Variants in SLC7A5 observed in about 807,000 individuals in gnomAD.
SLC7A5 encodes solute carrier family 7 member 5, also known as large neutral amino acids transporter small subunit 1.
In SLC7A5, 23 loss-of-function variants were observed where a neutral mutation model predicts 50.2. That is an observed-to-expected ratio of 0.46 (90% CI 0.33 to 0.65). The LOEUF (loss-of-function observed/expected upper bound fraction) is 0.65, where lower values mean the gene tolerates loss of function less well. Among genes scored for constraint, SLC7A5 ranks in the 30% least tolerant of loss-of-function variants. The probability of loss-of-function intolerance (pLI) is 0.02; values close to 1 mark genes in which losing one functional copy is unlikely to be tolerated. For missense variants in SLC7A5, 578 were observed against 684.4 expected, an observed-to-expected ratio of 0.84 and a Z score of 1.73; for synonymous variants, 393 against 330.6, an observed-to-expected ratio of 1.19 and a Z score of -2.05.
At chr16:87,851,936 C>A (rs752922795) in intron 1 of SLC7A5, 87 bp from the exon 2 acceptor site, 39 of 1,520,142 alleles carry the variant, frequency 2.6e-5, no homozygotes, top group African/African-American at 1.8e-4. Flanking sequence ...CCCACCCCCA[C>A]CCCAGGGCCA....
In SLC7A5 at chr16:87,832,316, G is replaced by A. The variant is rs1030936017; in HGVS notation, c.*654C>T. ...CCCTGGCTCAGGATGGTGTCTCGGG[G>A]CTAGGATTATGGTCAGGAGTCCATC... On this transcript the variant is annotated 3_prime_UTR_variant, in exon 10 of 10. Transcript: ENST00000261622. This position sits in a 1 kb window ranked among gnomAD's most constrained non-coding sequence, Gnocchi z 4.6. 2 of 152,294 alleles carry A rather than the reference G, an allele frequency of 1.3e-5. No homozygotes were observed. The highest frequency in any genetic ancestry group is 4.8e-5 in the African/African-American group (2 of 41,450). 9.4% of individuals were successfully genotyped at this position (152,294 alleles called of 1,614,324 possible).
rs545058470 is a variant in SLC7A5 at position 87,860,413 on chromosome 16, G to C, written c.538+8472C>G. ...ACACACACACACATATATATATAAA[G>C]AAAAAGGAAATCTTCGAACCCACCT... is the stretch of plus-strand genomic sequence containing the variant. On this transcript the variant is annotated intron_variant, in intron 1 of 9. Coordinates refer to ENST00000261622, the MANE Select transcript of SLC7A5 (RefSeq NM_003486.7). The surrounding 1 kb of genome is among the most constrained non-coding windows in gnomAD (Gnocchi z 4.8). Among the ~76,000 whole-genome samples the C allele has an allele frequency of 5.4e-5, 6 of 110,134 alleles. 1 individual carries two copies. The South Asian group carries it at 1.8e-3, about 33-fold the overall frequency. The allele number at this position is 110,134 out of a possible 152,430, so 72.3% of individuals were successfully genotyped here.
rs2055370840 is a variant in SLC7A5 at position 87,860,080 on chromosome 16, C to T, written c.539-8231G>A. On this transcript the variant is annotated intron_variant, in intron 1 of 9. Coordinates refer to ENST00000261622, the MANE Select transcript of SLC7A5 (RefSeq NM_003486.7). The surrounding 1 kb of genome is among the most constrained non-coding windows in gnomAD (Gnocchi z 4.8). ...AGGCACGGTGGCTCACACCTGTAAT[C>T]CCAGCACTTTGGGAAGCCAAGGTGG... 6.6e-6 allele frequency among the ~76,000 whole-genome samples: 1 copy of T among 152,084 alleles called. No individual in the cohort carries two copies. Among genetic ancestry groups the T allele is most frequent in the Non-Finnish European group, 1.5e-5 (1 of 68,026 alleles).
At chr16:87,851,415 C>T (rs1373803663) in intron 2 of SLC7A5, among the ~76,000 whole-genome samples, 3 of 152,182 alleles carry the variant, frequency 2.0e-5, no homozygotes, top group African/African-American at 4.8e-5. Context: ...TGTTCCACAT[C>T]GCCCCCAGGT....
rs548186892 is a variant in SLC7A5, at chr16:87,869,440, G to T, written c.-18C>A. 2.1e-4 allele frequency: 288 copies of T among 1,400,218 alleles called. 2 individuals are homozygous for T. The African/African-American group carries it at 4.2e-3, about 20-fold the overall frequency. 86.7% of individuals were successfully genotyped at this position (1,400,218 alleles called of 1,614,324 possible). A position where few individuals can be genotyped will look rare whatever the true frequency, so the allele number is the denominator to read the frequency against. ...CCCGCCATGCTCTGCGCACCGGCCG[G>T]GCCTGGGACACCCGGGAGCCGCGGC... On this transcript the variant is annotated 5_prime_UTR_variant, in exon 1 of 10. Transcript: ENST00000261622.
chr16:87,836,012 G>A (rs373540574), intron 8 of SLC7A5, among the ~76,000 whole-genome samples: 21 of 152,326 alleles, frequency 1.4e-4, no homozygotes, highest in African/African-American at 3.8e-4. Flanking sequence ...GGACGGCCCC[G>A]TTTTTGGAGA....
intron 1 of SLC7A5, among the ~76,000 whole-genome samples, chr16:87,854,544 ATGGAGGGGC>A (rs1490257051): frequency 6.6e-6 from 1 of 152,200 alleles, no homozygotes. Context: ...TGTCCACACC[ATGGAGGGGC>A]TGCTGGCTGC....
chr16:87,864,008 T>TATA (rs1555516643), intron 1 of SLC7A5, among the ~76,000 whole-genome samples: 1 of 141,554 alleles, frequency 7.1e-6, no homozygotes, highest in Non-Finnish European at 1.5e-5. Flanking sequence ...TATATATATA[T>TATA]CAGCCGAGTA....
In SLC7A5 at chr16:87,832,890, G is replaced by C. The variant is rs1327941976; in HGVS notation, c.*80C>G. On this transcript the variant is annotated 3_prime_UTR_variant, in exon 10 of 10. Coordinates refer to ENST00000261622, the MANE Select transcript of SLC7A5 (RefSeq NM_003486.7). This position sits in a 1 kb window ranked among gnomAD's most constrained non-coding sequence, Gnocchi z 4.6. ...GGGCAGCTGAGCTGTGGGTTGCGGG[G>C]AACCGGAGTGGGTTCGAGGAGGTGA... 1.7e-6 allele frequency: 2 copies of C among 1,171,838 alleles called. No individual in the cohort carries two copies. Among genetic ancestry groups the C allele is most frequent in the Non-Finnish European group, 2.6e-6 (2 of 779,212 alleles). The allele number at this position is 1,171,838 out of a possible 1,614,324, so 72.6% of individuals were successfully genotyped here. A position where few individuals can be genotyped will look rare whatever the true frequency, so the allele number is the denominator to read the frequency against.
intron 7 of SLC7A5, 39 bp from the exon 8 acceptor site, chr16:87,836,686 C>A: frequency 1.2e-6 from 2 of 1,606,760 alleles, no homozygotes; most frequent in Non-Finnish European, 1.7e-6. Context: ...CTGGGGCCCA[C>A]GAGCAGGGCT....
At chr16:87,844,667 G>A (rs2055127395) in intron 2 of SLC7A5, among the ~76,000 whole-genome samples, 2 of 152,250 alleles carry the variant, frequency 1.3e-5, no homozygotes, top group African/African-American at 2.4e-5. Context: ...ACATGGGAAT[G>A]TGGAGATGGA....
chr16:87,868,234 G>A (rs907789741), intron 1 of SLC7A5, among the ~76,000 whole-genome samples: 5 of 152,142 alleles, frequency 3.3e-5, no homozygotes, highest in Non-Finnish European at 7.4e-5. Flanking sequence ...CCCCATGGCT[G>A]TTTCCCAGAG....
Position 87,837,858 on chromosome 16 carries a change from G to T in SLC7A5, c.1127C>A (p.Ser376Tyr). The change falls in exon 7 of 10, where the codon TCC becomes TAC. Residue 376 changes from serine to tyrosine, a missense_variant. Coordinates refer to ENST00000261622, the MANE Select transcript of SLC7A5 (RefSeq NM_003486.7). ...CAGCAGGCTTACCGTGAACACGAGG[G>T]ACGGCACGGGGGTGAGGAGCTGTGG... ...IHPQLLTPVP[S>Y]LVFTCVMTLL... 6.2e-7 allele frequency: 1 copy of T among 1,605,940 alleles called. No individual in the cohort carries two copies. The highest frequency in any genetic ancestry group is 8.5e-7 in the Non-Finnish European group (1 of 1,177,502).
chr16:87,856,295 G>GGCCT (rs1398037636), intron 1 of SLC7A5, among the ~76,000 whole-genome samples: 1 of 152,228 alleles, frequency 6.6e-6, no homozygotes, highest in Admixed American at 6.5e-5. Context: ...GATGGTCCAA[G>GGCCT]GCCTGTGAGC....
In SLC7A5 at chr16:87,868,859, A is replaced by G. The variant is rs569156141; in HGVS notation, c.538+26T>C. The G allele has an allele frequency of 4.8e-5, 75 of 1,577,806 alleles. No homozygotes were observed. The African/African-American group carries it at 9.7e-4, about 20-fold the overall frequency. ...GGGACCCAGAGACTACGACCTCCCA[A>G]CCCCCGGCCCGCGCCCCGTACTCAC... On this transcript the variant is annotated intron_variant, in intron 1 of 9. Coordinates refer to ENST00000261622, the MANE Select transcript of SLC7A5 (RefSeq NM_003486.7).
chr16:87,836,866 A>G (rs1597493834), intron 7 of SLC7A5: 1 of 519,370 alleles, frequency 1.9e-6, no homozygotes, highest in Non-Finnish European at 3.5e-6. Flanking sequence ...GGGAGGAGGG[A>G]AGGAGGGAGG....
chr16:87,851,429 G>A (rs2055221091), intron 2 of SLC7A5, among the ~76,000 whole-genome samples: 1 of 152,240 alleles, frequency 6.6e-6, no homozygotes, highest in Non-Finnish European at 1.5e-5. Flanking sequence ...CCCAGGTGAG[G>A]TTACAACGCA....
Position 87,851,868 on chromosome 16 carries a change from G to A in SLC7A5, c.539-19C>T, listed in dbSNP as rs750567017. 1 of 1,612,548 alleles carries A rather than the reference G, an allele frequency of 6.2e-7. No individual in the cohort carries two copies. The highest frequency in any genetic ancestry group is 8.5e-7 in the Non-Finnish European group (1 of 1,179,944). ...AGCAGCACTGTGGAGACAGAGGGCA[G>A]CGGTGAGTTCCACGGGCAGACAGAC... On this transcript the variant is annotated intron_variant, in intron 1 of 9. Transcript: ENST00000261622.
At chr16:87,867,227 G>T (rs1467154050) in intron 1 of SLC7A5, among the ~76,000 whole-genome samples, 6 of 152,204 alleles carry the variant, frequency 3.9e-5, no homozygotes, top group Non-Finnish European at 5.9e-5. Flanking sequence ...GCCAACCAGG[G>T]GTTCATTTTT....
Sources: allele counts gnomAD v4.1 joint callset (sites outside exome capture counted in the v4.1 genomes callset), GRCh38; gene constraint gnomAD v4.1.1; non-coding constraint Gnocchi (gnomAD v3.1); transcripts MANE v1.5; gene names NCBI Gene and HGNC (gene_info 2026-07-23, HGNC 2026-07-21).